SAMD5: variants seen among roughly 807,000 people sequenced by gnomAD.
SAMD5 encodes sterile alpha motif domain-containing protein 5.
SAMD5 carries 13 observed loss-of-function variants against 11.3 expected under a neutral mutation model. That is an observed-to-expected ratio of 1.15 (90% confidence interval 0.75 to 1.83). SAMD5 has a LOEUF of 1.83. SAMD5 is among the 40% of genes most tolerant of loss of function. The pLI, the probability that SAMD5 is intolerant of heterozygous loss-of-function variation, is 0.00. For synonymous variants in SAMD5, 129 were observed against 111.3 expected (o/e 1.16, Z -1.00); for missense variants, 255 against 239.1 (o/e 1.07, Z -0.44).
intron 1 of SAMD5, chr6:147,730,167 G>C (rs1454086917): frequency 4.8e-6 from 2 of 419,162 alleles, no homozygotes; most frequent in African/African-American, 2.1e-5. Context: ...TGATGATTTC[G>C]GGAAAGAGCC....
the SAMD5 span, among the ~76,000 whole-genome samples, chr6:147,755,076 T>G: frequency 6.6e-6 from 1 of 152,056 alleles, no homozygotes; most frequent in East Asian, 1.9e-4. Context: ...ATTTTAGGAT[T>G]TTTTTTTCTA....
intron 1 of SAMD5, among the ~76,000 whole-genome samples, chr6:147,625,987 A>G (rs1241888485): frequency 6.6e-6 from 1 of 152,164 alleles, no homozygotes; most frequent in Non-Finnish European, 1.5e-5. Context: ...AAGGGTAGCC[A>G]TGCAATGTAG....
downstream of SAMD5, chr6:147,570,025 C>T (rs1583088863): frequency 1.0e-6 from 1 of 984,328 alleles, no homozygotes; most frequent in East Asian, 1.1e-4. Context: ...CACAGCGGTT[C>T]CGCCTTGGCC....
the SAMD5 span, among the ~76,000 whole-genome samples, chr6:147,867,385 A>G: frequency 6.6e-6 from 1 of 151,876 alleles, no homozygotes; most frequent in Non-Finnish European, 1.5e-5. Flanking sequence ...GGACTTGGTG[A>G]AAAATCAGAA....
intron 1 of SAMD5, among the ~76,000 whole-genome samples, chr6:147,586,073 T>C (rs1324668435): frequency 1.3e-5 from 2 of 152,096 alleles, no homozygotes; most frequent in Non-Finnish European, 2.9e-5. Flanking sequence ...GGATGGCCAT[T>C]GTAGGGCGCC....
chr6:147,927,589 T>C, the SAMD5 span, among the ~76,000 whole-genome samples: 1 of 152,200 alleles, frequency 6.6e-6, no homozygotes, highest in African/African-American at 2.4e-5. Context: ...TTTCTAGATA[T>C]TGAATCACGT....
intron 1 of SAMD5, among the ~76,000 whole-genome samples, chr6:147,619,513 T>A (rs143247196): frequency 6.6e-6 from 1 of 152,236 alleles, no homozygotes; most frequent in African/African-American, 2.4e-5. Context: ...AGTAAAGATA[T>A]TCCTTGATAG....
chr6:147,784,916 T>C, the SAMD5 span, among the ~76,000 whole-genome samples: 1 of 152,202 alleles, frequency 6.6e-6, no homozygotes, highest in African/African-American at 2.4e-5. Flanking sequence ...GAAAGCTTCC[T>C]TTTTAACTTG....
At chr6:147,750,495 C>T in the SAMD5 span, among the ~76,000 whole-genome samples, 2 of 152,198 alleles carry the variant, frequency 1.3e-5, no homozygotes, top group African/African-American at 2.4e-5. Context: ...TTTTCTTCCT[C>T]AGAGTAAAAA....
chr6:147,828,893 T>C, the SAMD5 span, among the ~76,000 whole-genome samples: 29 of 152,028 alleles, frequency 1.9e-4, no homozygotes, highest in South Asian at 6.0e-3. Context: ...AAAGGTACCA[T>C]AAAAGGAGAC....
the SAMD5 span, among the ~76,000 whole-genome samples, chr6:147,845,151 GT>G: frequency 6.6e-6 from 1 of 151,914 alleles, no homozygotes; most frequent in Non-Finnish European, 1.5e-5. Flanking sequence ...TTAAAAATAT[GT>G]TTTTCCAATA....
chr6:147,599,335 T>A (rs576187302), intron 1 of SAMD5, among the ~76,000 whole-genome samples: 8 of 152,190 alleles, frequency 5.3e-5, no homozygotes, highest in Non-Finnish European at 8.8e-5. Flanking sequence ...TTGTGATAAG[T>A]TTCAGATAAT....
the SAMD5 span, among the ~76,000 whole-genome samples, chr6:147,840,867 C>T: frequency 2.0e-5 from 3 of 152,138 alleles, no homozygotes; most frequent in African/African-American, 7.2e-5. Context: ...TGAACAGAAG[C>T]AGACACATGG....
At chr6:147,720,306 AC>A (rs1305441059) in intron 1 of SAMD5, among the ~76,000 whole-genome samples, 1 of 152,162 alleles carries the variant, frequency 6.6e-6, no homozygotes, top group Admixed American at 6.5e-5. Context: ...CTGAAAAAAT[AC>A]AAAAAATTAG....
the SAMD5 span, among the ~76,000 whole-genome samples, chr6:147,875,085 A>T: frequency 6.6e-6 from 1 of 152,146 alleles, no homozygotes; most frequent in African/African-American, 2.4e-5. Context: ...GAATTTTAAA[A>T]CTTCTTCATT....
chr6:147,619,590 G>T (rs1789927588), intron 1 of SAMD5, among the ~76,000 whole-genome samples: 1 of 152,214 alleles, frequency 6.6e-6, no homozygotes, highest in African/African-American at 2.4e-5. Flanking sequence ...TAGAATTGAA[G>T]AAGGAAAATT....
chr6:147,727,640 G>A (rs1263708866), intron 1 of SAMD5, among the ~76,000 whole-genome samples: 1 of 151,652 alleles, frequency 6.6e-6, no homozygotes, highest in African/African-American at 2.4e-5. Context: ...TTCAACAACA[G>A]GCCACTAGAG....
In SAMD5 at chr6:147,568,611, T is replaced by G; in HGVS notation, c.*4155T>G. ...TTTTATATCAGCTGACATCTTGTGCTTACAGTAAAGCCATATAGATGCACA... is the reference window on the plus strand; with the variant it reads ...TTTTATATCAGCTGACATCTTGTGCGTACAGTAAAGCCATATAGATGCACA... On this transcript the variant is annotated 3_prime_UTR_variant, in exon 2 of 2. Transcript: ENST00000367474. 1.0e-6 allele frequency: 1 copy of G among 985,322 alleles called. No homozygotes were observed. Among genetic ancestry groups the G allele is most frequent in the East Asian group, 1.1e-4 (1 of 8,804 alleles). The allele number at this position is 985,322 out of a possible 1,614,324, so 61.0% of individuals were successfully genotyped here.
the SAMD5 span, among the ~76,000 whole-genome samples, chr6:147,828,354 A>G: frequency 3.3e-5 from 5 of 152,332 alleles, no homozygotes; most frequent in African/African-American, 1.2e-4. Flanking sequence ...TTAATATTGA[A>G]TGTCAACTTG....
Sources: allele counts gnomAD v4.1 joint callset (sites outside exome capture counted in the v4.1 genomes callset), GRCh38; gene constraint gnomAD v4.1.1; transcripts MANE v1.5; gene names NCBI Gene and HGNC (gene_info 2026-07-23, HGNC 2026-07-21).